Variants in IFNAR1 observed in about 807,000 individuals in gnomAD.
The protein encoded by IFNAR1 is interferon alpha and beta receptor subunit 1, also known as interferon alpha/beta receptor 1.
IFNAR1 carries 47 observed loss-of-function variants against 62.1 expected under a neutral mutation model. That is an observed-to-expected ratio of 0.76 (90% CI 0.60 to 0.97). IFNAR1 has a LOEUF of 0.97. IFNAR1 is among the 50% of genes least tolerant of loss of function. The probability of loss-of-function intolerance (pLI) is 0.00; values close to 1 mark genes in which losing one functional copy is unlikely to be tolerated. For missense variants in IFNAR1, 638 were observed against 654.5 expected (o/e 0.97, Z 0.27); for synonymous variants, 219 against 226.9 (o/e 0.97, Z 0.31).
intron 6 of IFNAR1, among the ~76,000 whole-genome samples, chr21:33,345,871 A>G (rs765395253): frequency 2.0e-5 from 3 of 152,366 alleles, no homozygotes; most frequent in African/African-American, 7.2e-5. Flanking sequence ...ACTATGTTCT[A>G]TGTGGTTGAG....
rs899403228 is a variant in IFNAR1, at chr21:33,359,686, G to T, written c.*4137G>T. 5 of 152,146 alleles carry T rather than the reference G, an allele frequency of 3.3e-5. No individual in the cohort carries two copies. Among genetic ancestry groups the T allele is most frequent in the Admixed American group, 2.6e-4 (4 of 15,264 alleles). The allele number at this position is 152,146 out of a possible 1,614,324, so 9.4% of individuals were successfully genotyped here. A position where few individuals can be genotyped will look rare whatever the true frequency, so the allele number is the denominator to read the frequency against. ...ATAAGTAGATCTCTCCTGCTGTCTGGACACATTTCACTCGGAAATTGAATA... is the reference window on the plus strand; with the variant it reads ...ATAAGTAGATCTCTCCTGCTGTCTGTACACATTTCACTCGGAAATTGAATA... On this transcript the variant is annotated 3_prime_UTR_variant, in exon 11 of 11. Coordinates refer to ENST00000270139, the MANE Select transcript of IFNAR1 (RefSeq NM_000629.3).
rs1298677857 is a variant in IFNAR1 at position 33,335,513 on chromosome 21, T to C, written c.77-11T>C. 10 of 1,531,148 alleles carry C rather than the reference T, an allele frequency of 6.5e-6. No homozygotes were observed. Among genetic ancestry groups the C allele is most frequent in the Non-Finnish European group, 9.0e-6 (10 of 1,113,540 alleles). 94.8% of individuals were successfully genotyped at this position (1,531,148 alleles called of 1,614,324 possible). A position where few individuals can be genotyped will look rare whatever the true frequency, so the allele number is the denominator to read the frequency against. ...TGTATATAATGTTCTTATTTCTTGT[T>C]GCTTTTATAGGTGGAAAAAATCTAA... On this transcript the variant is annotated splice_polypyrimidine_tract_variant and intron_variant, in intron 1 of 10. Coordinates refer to ENST00000270139, the MANE Select transcript of IFNAR1 (RefSeq NM_000629.3).
rs758798407 is a variant in IFNAR1 at position 33,349,424 on chromosome 21, C to T, written c.1024C>T (p.Leu342Phe). ...TCCTCCAGTCTTTAACATTAGATCC[C>T]TTAGTGATTCATTCCATATCTATAT... ...LLPPVFNIRS[L>F]SDSFHIYIGA... is the part of the protein sequence containing the mutation. Residue 342 changes from leucine to phenylalanine, a missense_variant, in exon 8 of 11, where the codon CTT becomes TTT. Physicochemically the swap from Leu to Phe is conservative, Grantham distance 22. Coordinates refer to ENST00000270139, the MANE Select transcript of IFNAR1 (RefSeq NM_000629.3). The T allele has an allele frequency of 3.7e-6, 6 of 1,610,680 alleles. No homozygotes were observed. The highest frequency in any genetic ancestry group is 1.1e-5 in the South Asian group (1 of 90,362).
Position 33,354,780 on chromosome 21 carries a change from AC to A in IFNAR1, c.1441-534del, listed in dbSNP as rs556539087. Among the ~76,000 whole-genome samples, 532 of 152,236 alleles carry A rather than the reference AC, an allele frequency of 3.5e-3. 3 individuals carry two copies. Among genetic ancestry groups the A allele is most frequent in the Non-Finnish European group, 6.2e-3 (425 of 68,022 alleles). ...GAGGTGTTAGGAGCAAAGGAGTTAAACCATAAGAACCTTACCACTCTAAAAA... is the reference window on the plus strand; with the variant it reads ...GAGGTGTTAGGAGCAAAGGAGTTAAACATAAGAACCTTACCACTCTAAAAA... On this transcript the variant is annotated intron_variant, in intron 10 of 10. Transcript: ENST00000270139.
rs1313099087 is a variant in IFNAR1, at chr21:33,345,379, AT to A, written c.788+22del. 7.4e-7 allele frequency: 1 copy of A among 1,348,734 alleles called. No homozygotes were observed. Among genetic ancestry groups the A allele is most frequent in the Non-Finnish European group, 1.1e-6 (1 of 939,088 alleles). The allele number at this position is 1,348,734 out of a possible 1,614,324, so 83.5% of individuals were successfully genotyped here. On this transcript the variant is annotated intron_variant, in intron 6 of 10. Coordinates refer to ENST00000270139, the MANE Select transcript of IFNAR1 (RefSeq NM_000629.3). ...GGCTCCAGTAAGTTCCATTCCATAA[AT>A]TTCCTTTTGCCCAGTTTGTTTTGAT...
chr21:33,333,970 T>C (rs1221775009), intron 1 of IFNAR1, among the ~76,000 whole-genome samples: 2 of 152,050 alleles, frequency 1.3e-5, no homozygotes, highest in Non-Finnish European at 2.9e-5. Flanking sequence ...AAACTGAAAT[T>C]GAAGGGATGG....
upstream of IFNAR1, chr21:33,324,892 G>GGTGTTTGTGTGTGTGTGTGT: frequency 1.8e-6 from 1 of 571,058 alleles, no homozygotes; most frequent in Admixed American, 2.9e-5. Context: ...GCGGAGGGGC[G>GGTGTTTGTGTGTGTGTGTGT]GTGTGTGTGT....
intron 1 of IFNAR1, among the ~76,000 whole-genome samples, chr21:33,333,422 C>A (rs2083199685): frequency 6.6e-6 from 1 of 151,798 alleles, no homozygotes; most frequent in Non-Finnish European, 1.5e-5. Context: ...AGCAGATACA[C>A]AAAGGAGAAA....
chr21:33,337,963 CA>C (rs1163987840), intron 2 of IFNAR1, among the ~76,000 whole-genome samples: 2 of 152,060 alleles, frequency 1.3e-5, no homozygotes, highest in Non-Finnish European at 2.9e-5. Context: ...GGAATTATTT[CA>C]GATACCCTTA....
chr21:33,356,992 T>C lies in IFNAR1; in HGVS notation c.*1443T>C, dbSNP rs1201813667. 1 of 152,142 alleles carries C rather than the reference T, an allele frequency of 6.6e-6. No individual in the cohort carries two copies. Among genetic ancestry groups the C allele is most frequent in the Non-Finnish European group, 1.5e-5 (1 of 68,024 alleles). The allele number at this position is 152,142 out of a possible 1,614,324, so 9.4% of individuals were successfully genotyped here. On this transcript the variant is annotated 3_prime_UTR_variant, in exon 11 of 11. Transcript: ENST00000270139. The stretch of plus-strand genomic sequence containing the variant: ...GGCGTTAAAATACAAATCATTGAAC[T>C]GAGGGGGAAAAATGTAACTAGGAAG...
At chr21:33,355,268 T>C in intron 10 of IFNAR1, 48 bp from the exon 11 acceptor site, 1 of 940,136 alleles carries the variant, frequency 1.1e-6, no homozygotes, top group Non-Finnish European at 1.6e-6. Flanking sequence ...AAGGAATTTT[T>C]ATTATTTTAA....
chr21:33,339,927 CA>C (rs532975886), intron 2 of IFNAR1, among the ~76,000 whole-genome samples: 9,065 of 81,780 alleles, frequency 0.11, 251 homozygotes, highest in Non-Finnish European at 0.12. Context: ...GACTCTGTCT[CA>C]AAAAAAAAAA....
intron 1 of IFNAR1, among the ~76,000 whole-genome samples, chr21:33,326,479 G>A (rs923008211): frequency 6.6e-5 from 10 of 152,146 alleles, no homozygotes; most frequent in African/African-American, 2.4e-4. Flanking sequence ...GGGATTACAG[G>A]TGTGAGCCAC....
chr21:33,342,820 G>A (rs1345167928), intron 3 of IFNAR1, among the ~76,000 whole-genome samples: 2 of 151,814 alleles, frequency 1.3e-5, no homozygotes, highest in Non-Finnish European at 2.9e-5. Context: ...TCGTGCCACT[G>A]CACTCCAGCC....
At chr21:33,351,689 C>T (rs1316391725) in intron 8 of IFNAR1, among the ~76,000 whole-genome samples, 1 of 151,904 alleles carries the variant, frequency 6.6e-6, no homozygotes, top group Non-Finnish European at 1.5e-5. Context: ...GCTGGGACTA[C>T]AGGCACATGC....
At chr21:33,349,041 T>C in intron 6 of IFNAR1, 50 bp from the exon 7 acceptor site, 1 of 1,184,340 alleles carries the variant, frequency 8.4e-7, no homozygotes, top group Non-Finnish European at 1.2e-6. Context: ...CTGGCAATTG[T>C]AAATACTTAA....
chr21:33,324,708 A>C, upstream of IFNAR1: 2 of 285,488 alleles, frequency 7.0e-6, no homozygotes, highest in East Asian at 6.8e-5. Flanking sequence ...GCGATGGTGA[A>C]GTGCTCCAGA....
intron 10 of IFNAR1, among the ~76,000 whole-genome samples, chr21:33,354,833 T>C (rs980898875): frequency 6.6e-6 from 1 of 152,236 alleles, no homozygotes; most frequent in African/African-American, 2.4e-5. Flanking sequence ...ACAATTTTAC[T>C]ATTATACCCC....
At chr21:33,331,481 GTTC>G (rs1226233789) in intron 1 of IFNAR1, among the ~76,000 whole-genome samples, 1 of 152,164 alleles carries the variant, frequency 6.6e-6, no homozygotes, top group Non-Finnish European at 1.5e-5. Flanking sequence ...GAGACACCCT[GTTC>G]TACAGGCCAA....
Sources: gnomAD v4.1 joint callset for allele counts (sites outside exome capture counted in the v4.1 genomes callset) on GRCh38, gnomAD v4.1.1 for gene constraint, MANE v1.5 for transcripts, NCBI Gene and HGNC (gene_info 2026-07-23, HGNC 2026-07-21) for gene names.